CFAP206: variants seen among roughly 807,000 people sequenced by gnomAD.
CFAP206 encodes cilia and flagella associated protein 206.
A neutral mutation model predicts 65.4 loss-of-function variants in CFAP206; 53 were observed. That is an observed-to-expected ratio of 0.81 (90% CI 0.65 to 1.02). The LOEUF is 1.02. Among genes scored for constraint, CFAP206 ranks in the 50% least tolerant of loss-of-function variants. The pLI, the probability that CFAP206 is intolerant of heterozygous loss-of-function variation, is 0.00. For synonymous variants in CFAP206, 250 were observed against 254.4 expected (o/e 0.98, Z 0.17); for missense variants, 663 against 753.2 (o/e 0.88, Z 1.40).
chr6:87,437,825 ATT>A (rs1206669821), intron 11 of CFAP206, among the ~76,000 whole-genome samples: 4 of 104,494 alleles, frequency 3.8e-5, no homozygotes, highest in Non-Finnish European at 5.8e-5. Context: ...TGCCTGGCTA[ATT>A]TTTTTTTTTT....
chr6:87,419,138 T>G (rs1192613229), intron 7 of CFAP206, among the ~76,000 whole-genome samples: 9 of 152,158 alleles, frequency 5.9e-5, no homozygotes, highest in South Asian at 2.1e-4. Flanking sequence ...TTTTTGTTTT[T>G]TTTTTAAATA....
intron 12 of CFAP206, among the ~76,000 whole-genome samples, 194 bp from the exon 13 acceptor site, chr6:87,463,826 G>A (rs969013338): frequency 9.2e-5 from 14 of 151,942 alleles, no homozygotes; most frequent in East Asian, 1.9e-4. Flanking sequence ...ATTTTTCTAC[G>A]TCTTGGTAAG....
At chr6:87,462,758 A>G (rs1026084611) in intron 12 of CFAP206, among the ~76,000 whole-genome samples, 1 of 152,114 alleles carries the variant, frequency 6.6e-6, no homozygotes, top group African/African-American at 2.4e-5. Flanking sequence ...ATACTGACTG[A>G]GCCCTCTCTT....
At chr6:87,426,188 A>G (rs1418512051) in intron 7 of CFAP206, 2 of 153,476 alleles carry the variant, frequency 1.3e-5, no homozygotes, top group Non-Finnish European at 2.9e-5. Context: ...AATTAATTTT[A>G]TCATTGAGGA....
intron 11 of CFAP206, among the ~76,000 whole-genome samples, chr6:87,440,498 G>T (rs1768345157): frequency 6.6e-6 from 1 of 152,038 alleles, no homozygotes; most frequent in Non-Finnish European, 1.5e-5. Context: ...GGTGAGTGTT[G>T]TTGTGGGGAG....
At chr6:87,448,992 C>T (rs188858990) in intron 11 of CFAP206, among the ~76,000 whole-genome samples, 1,669 of 152,094 alleles carry the variant, frequency 0.011, 36 homozygotes, top group African/African-American at 0.038. Context: ...CTTTGACATA[C>T]TAATTTCCTT....
intron 8 of CFAP206, among the ~76,000 whole-genome samples, chr6:87,428,162 A>G (rs1768085192): frequency 6.6e-6 from 1 of 151,422 alleles, no homozygotes; most frequent in Non-Finnish European, 1.5e-5. Flanking sequence ...TAATTTTTGT[A>G]TTTTTAGTAG....
chr6:87,418,728 T>A (rs1438044559), intron 7 of CFAP206, among the ~76,000 whole-genome samples: 2 of 152,256 alleles, frequency 1.3e-5, no homozygotes, highest in African/African-American at 4.8e-5. Context: ...AGCAAGTATG[T>A]AACATTGTTT....
intron 4 of CFAP206, chr6:87,415,420 G>T: frequency 3.5e-6 from 1 of 285,418 alleles, no homozygotes; most frequent in Admixed American, 4.3e-5. Context: ...AGCCTTTTCT[G>T]ATATCTCCTG....
chr6:87,426,498 A>G (rs1310031220), intron 7 of CFAP206, 28 bp from the exon 8 acceptor site: 4 of 1,504,248 alleles, frequency 2.7e-6, no homozygotes, highest in South Asian at 1.3e-5. Flanking sequence ...TTATAAAAAT[A>G]TTAATGCAAA....
intron 12 of CFAP206, 49 bp from the exon 13 acceptor site, chr6:87,463,971 T>C: frequency 6.9e-7 from 1 of 1,456,454 alleles, no homozygotes; most frequent in Non-Finnish European, 9.4e-7. Flanking sequence ...TATTTTATGT[T>C]ATTTGTTCTT....
intron 7 of CFAP206, among the ~76,000 whole-genome samples, chr6:87,422,551 A>ACCAGCCTG (rs1767959855): frequency 1.3e-5 from 2 of 151,922 alleles, no homozygotes; most frequent in Non-Finnish European, 2.9e-5. Flanking sequence ...GGAGTTCAAG[A>ACCAGCCTG]CCAGCCTGAC....
At chr6:87,458,420 G>A (rs1254660397) in intron 11 of CFAP206, among the ~76,000 whole-genome samples, 3 of 152,062 alleles carry the variant, frequency 2.0e-5, no homozygotes, top group South Asian at 2.1e-4. Flanking sequence ...AGCAACCCAC[G>A]TATCCATCAA....
At chr6:87,416,000 C>T in intron 5 of CFAP206, 126 bp downstream of exon 5, 1 of 671,054 alleles carries the variant, frequency 1.5e-6, no homozygotes, top group Non-Finnish European at 2.3e-6. Context: ...AAAAAAAAAT[C>T]AGCACAAATG....
At chr6:87,456,826 T>C (rs1479955361) in intron 11 of CFAP206, among the ~76,000 whole-genome samples, 1 of 152,056 alleles carries the variant, frequency 6.6e-6, no homozygotes, top group African/African-American at 2.4e-5. Context: ...AAGATCTCTA[T>C]GAAGATAACT....
chr6:87,416,740 C>A lies in CFAP206; in HGVS notation c.544C>A (p.Arg182Ser), dbSNP rs367568626. 3.1e-6 allele frequency: 5 copies of A among 1,613,152 alleles called. No homozygotes were observed. The highest frequency in any genetic ancestry group is 4.2e-6 in the Non-Finnish European group (5 of 1,179,726). ...FLTLSKKDKE[R>S]QLKELTMIVT... ...AACTCTTTCTAAGAAGGACAAAGAA[C>A]GCCAGCTGAAAGAACTCACCATGAT... The change falls in exon 6 of 13, where the codon CGC (arginine) becomes AGC (serine). Residue 182 changes from arginine to serine, a missense_variant. Arg to Ser is a moderately radical substitution (Grantham distance 110). Transcript: ENST00000369562.
intron 11 of CFAP206, among the ~76,000 whole-genome samples, chr6:87,436,285 C>T (rs1313766209): frequency 2.0e-5 from 3 of 151,886 alleles, no homozygotes; most frequent in Admixed American, 2.0e-4. Context: ...ACGGTTTCAC[C>T]ATGTTGGCAA....
At chr6:87,431,409 A>G (rs1246695316) in intron 10 of CFAP206, among the ~76,000 whole-genome samples, 1 of 152,238 alleles carries the variant, frequency 6.6e-6, no homozygotes, top group African/African-American at 2.4e-5. Flanking sequence ...GTTATGAAAT[A>G]TGGATGCTGC....
At chr6:87,434,418 CAA>C (rs11435368) in intron 10 of CFAP206, among the ~76,000 whole-genome samples, 60 of 102,326 alleles carry the variant, frequency 5.9e-4, no homozygotes, top group Middle Eastern at 5.4e-3. Context: ...GACACAGTCT[CAA>C]AAAAAAAAAA....
Sources: allele counts gnomAD v4.1 joint callset (sites outside exome capture counted in the v4.1 genomes callset), GRCh38; gene constraint gnomAD v4.1.1; transcripts MANE v1.5; gene names NCBI Gene and HGNC (gene_info 2026-07-23, HGNC 2026-07-21).